The following ADGRL3 variants were observed in gnomAD, a reference collection of about 807,000 sequenced individuals.
The protein encoded by ADGRL3 is adhesion G protein-coupled receptor L3.
A neutral mutation model predicts 153.5 loss-of-function variants in ADGRL3; 62 were observed. That is an observed-to-expected ratio of 0.40 (90% CI 0.33 to 0.50). ADGRL3 has a LOEUF of 0.50. ADGRL3 is among the 20% of genes least tolerant of loss of function. The pLI is 0.47. For synonymous variants in ADGRL3, 710 were observed against 672.5 expected, an observed-to-expected ratio of 1.06 and a Z score of -0.86; for missense variants, 1,641 against 1,859.4, an observed-to-expected ratio of 0.88 and a Z score of 2.16.
intron 1 of ADGRL3, among the ~76,000 whole-genome samples, chr4:61,330,791 C>G (rs535052912): frequency 6.6e-6 from 1 of 152,176 alleles, no homozygotes; most frequent in South Asian, 2.1e-4. Flanking sequence ...TTATTTGTCC[C>G]CACCCATGGT....
intron 2 of ADGRL3, among the ~76,000 whole-genome samples, chr4:61,405,123 T>A (rs2096977816): frequency 6.6e-6 from 1 of 151,986 alleles, no homozygotes; most frequent in Admixed American, 6.6e-5. Context: ...GAGGAAGGAA[T>A]CTTATATGAG....
chr4:61,533,079 A>G (rs2098633640), intron 4 of ADGRL3, among the ~76,000 whole-genome samples: 1 of 152,212 alleles, frequency 6.6e-6, no homozygotes, highest in Non-Finnish European at 1.5e-5. Context: ...TCTATCTGCC[A>G]TAAAACAAAA....
intron 6 of ADGRL3, among the ~76,000 whole-genome samples, chr4:61,720,826 T>C (rs185303443): frequency 7.2e-4 from 109 of 152,324 alleles, no homozygotes; most frequent in Admixed American, 2.8e-3. Flanking sequence ...GTTGTTCTCA[T>C]AATTATCATA....
chr4:61,696,001 G>A (rs1326012713), intron 6 of ADGRL3, among the ~76,000 whole-genome samples: 1 of 152,168 alleles, frequency 6.6e-6, no homozygotes, highest in Non-Finnish European at 1.5e-5. Flanking sequence ...TTAAGGCTTT[G>A]CTCTGGATTA....
At chr4:61,566,162 A>G (rs1219725878) in intron 4 of ADGRL3, among the ~76,000 whole-genome samples, 1 of 150,268 alleles carries the variant, frequency 6.7e-6, no homozygotes, top group Non-Finnish European at 1.5e-5. Context: ...TCTGTAATCT[A>G]GAAATCCAGG....
intron 17 of ADGRL3, among the ~76,000 whole-genome samples, chr4:61,957,340 T>C (rs2098971065): frequency 1.3e-5 from 2 of 152,260 alleles, no homozygotes; most frequent in African/African-American, 4.8e-5. Context: ...TCTACTTGTC[T>C]ATTGTTGGCA....
intron 3 of ADGRL3, among the ~76,000 whole-genome samples, chr4:61,509,375 G>A (rs544760075): frequency 6.6e-6 from 1 of 151,972 alleles, no homozygotes. Flanking sequence ...TGATCCACCC[G>A]CCTCAGCCTC....
chr4:61,950,853 G>A (rs1174587694), intron 17 of ADGRL3, among the ~76,000 whole-genome samples: 1 of 152,168 alleles, frequency 6.6e-6, no homozygotes, highest in Non-Finnish European at 1.5e-5. Flanking sequence ...GGCAGTTTCA[G>A]CATGGGGGCT....
intron 5 of ADGRL3, among the ~76,000 whole-genome samples, chr4:61,619,825 G>A (rs1202554330): frequency 2.6e-5 from 4 of 152,092 alleles, no homozygotes; most frequent in African/African-American, 7.2e-5. Flanking sequence ...TATATCAACC[G>A]TTTGAACTCT....
chr4:61,911,489 C>T (rs1467696290), intron 12 of ADGRL3, among the ~76,000 whole-genome samples: 3 of 152,222 alleles, frequency 2.0e-5, no homozygotes, highest in African/African-American at 7.2e-5. Context: ...AAAGGTTATT[C>T]ACATGCTTGC....
At chr4:61,998,032 C>G in intron 20 of ADGRL3, 142 bp from the exon 21 acceptor site, 1 of 435,234 alleles carries the variant, frequency 2.3e-6, no homozygotes, top group Non-Finnish European at 4.1e-6. Flanking sequence ...TACTAAAACA[C>G]TAGGCAGTCA....
At chr4:61,599,401 G>A (rs13435102) in intron 5 of ADGRL3, among the ~76,000 whole-genome samples, 26,804 of 152,122 alleles carry the variant, frequency 0.18, 2,642 homozygotes, top group Non-Finnish European at 0.22. Flanking sequence ...GTGCAATGGC[G>A]CAATCTGGGC....
chr4:61,522,124 T>G (rs2098535134), intron 4 of ADGRL3, among the ~76,000 whole-genome samples: 1 of 152,134 alleles, frequency 6.6e-6, no homozygotes, highest in Admixed American at 6.6e-5. Context: ...TTCTGAATTT[T>G]GAGCTTTGCT....
At chr4:61,409,670 T>C (rs2097059562) in intron 2 of ADGRL3, among the ~76,000 whole-genome samples, 1 of 151,588 alleles carries the variant, frequency 6.6e-6, no homozygotes. Flanking sequence ...TTAGCAATAT[T>C]TTTAAAAATA....
intron 2 of ADGRL3, among the ~76,000 whole-genome samples, chr4:61,445,383 G>A (rs1048126041): frequency 6.6e-6 from 1 of 152,162 alleles, no homozygotes; most frequent in African/African-American, 2.4e-5. Context: ...TTAGAACTCA[G>A]ATTATTTCAT....
At chr4:62,000,902 A>G (rs1477412045) in intron 21 of ADGRL3, among the ~76,000 whole-genome samples, 1 of 151,872 alleles carries the variant, frequency 6.6e-6, no homozygotes, top group Non-Finnish European at 1.5e-5. Flanking sequence ...CCACCTCAGC[A>G]TCCTTAGCAG....
chr4:61,882,715 A>G (rs1033634654), intron 9 of ADGRL3, among the ~76,000 whole-genome samples: 1 of 152,110 alleles, frequency 6.6e-6, no homozygotes, highest in Non-Finnish European at 1.5e-5. Flanking sequence ...TGCAGATGCT[A>G]TTCCCTCTGC....
chr4:61,915,780 G>T (rs2098742514), intron 13 of ADGRL3, among the ~76,000 whole-genome samples: 1 of 152,088 alleles, frequency 6.6e-6, no homozygotes, highest in Non-Finnish European at 1.5e-5. Context: ...GCATTTTAAA[G>T]ACTTGTTTTA....
intron 5 of ADGRL3, among the ~76,000 whole-genome samples, chr4:61,606,055 T>A (rs1364786491): frequency 6.6e-6 from 1 of 152,148 alleles, no homozygotes; most frequent in East Asian, 1.9e-4. Flanking sequence ...GAAGGGCTCC[T>A]AATGCAGCCT....
Sources: gnomAD v4.1 joint callset for allele counts (sites outside exome capture counted in the v4.1 genomes callset) on GRCh38, gnomAD v4.1.1 for gene constraint, MANE v1.5 for transcripts, NCBI Gene and HGNC (gene_info 2026-07-23, HGNC 2026-07-21) for gene names.